Variants in STK10 observed in about 807,000 individuals in gnomAD.
STK10 encodes the protein serine/threonine kinase 10.
STK10 carries 78 observed loss-of-function variants against 113.8 expected under a neutral mutation model. That is an observed-to-expected ratio of 0.69 (90% CI 0.57 to 0.83). The LOEUF (loss-of-function observed/expected upper bound fraction) is 0.83. Among genes scored for constraint, STK10 ranks in the 40% least tolerant of loss-of-function variants. The probability of loss-of-function intolerance (pLI) is 0.00; values close to 1 mark genes in which losing one functional copy is unlikely to be tolerated. For missense variants in STK10, 1,109 were observed against 1,280.1 expected (o/e 0.87, Z 2.04); for synonymous variants, 465 against 494.7 (o/e 0.94, Z 0.80).
chr5:172,138,992 C>T (rs561007583), intron 2 of STK10, among the ~76,000 whole-genome samples: 80 of 151,912 alleles, frequency 5.3e-4, no homozygotes, highest in Non-Finnish European at 9.6e-4. Context: ...CCAGTCTGGG[C>T]GACAGAGCGA....
chr5:172,052,337 C>G lies in STK10; in HGVS notation c.2766+592G>C, dbSNP rs1019793606. Reference sequence around the variant, plus strand: ...ATAAGGAACTGGATTCTGTCGAAAGCTGAATGGGTTTGGAAGTGATTCTTC... The same window carrying G: ...ATAAGGAACTGGATTCTGTCGAAAGGTGAATGGGTTTGGAAGTGATTCTTC... On this transcript the variant is annotated intron_variant, in intron 18 of 18. Transcript: ENST00000176763. 4.3e-4 allele frequency among the ~76,000 whole-genome samples: 65 copies of G among 152,140 alleles called. 1 individual carries two copies. Among genetic ancestry groups the G allele is most frequent in the African/African-American group, 1.4e-3 (56 of 41,428 alleles).
chr5:172,073,613 T>C (rs72841764), intron 12 of STK10, among the ~76,000 whole-genome samples: 1 of 151,848 alleles, frequency 6.6e-6, no homozygotes, highest in African/African-American at 2.4e-5. Context: ...TGATTTTTTT[T>C]AAAAAGTATG....
chr5:172,105,556 G>A, intron 7 of STK10, 100 bp downstream of exon 7: 4 of 1,266,070 alleles, frequency 3.2e-6, no homozygotes, highest in Non-Finnish European at 4.6e-6. Flanking sequence ...TGTCCATGCT[G>A]TTCCCTGGGC....
Position 172,106,653 on chromosome 5 carries a change from G to A in STK10, c.755C>T (p.Ser252Leu). 1 of 1,613,332 alleles carries A rather than the reference G, an allele frequency of 6.2e-7. No individual in the cohort carries two copies. The highest frequency in any genetic ancestry group is 8.5e-7 in the Non-Finnish European group (1 of 1,179,992). Residue 252 changes from serine (S) to leucine (L), a missense_variant, in exon 6 of 19, where the codon TCG becomes TTG. Around this residue, in one of 5 missense-constraint regions of STK10, gnomAD observed 885 missense variants for 991.1 expected, o/e 0.89. Transcript: ENST00000176763. ...GGGCGTGAGCAGCGTGGGAGGGTCCGACTTGGCGATCTTTAGCAGGACCCG... is the reference window on the plus strand; with the variant it reads ...GGGCGTGAGCAGCGTGGGAGGGTCCAACTTGGCGATCTTTAGCAGGACCCG... ...PMRVLLKIAKSDPPTLLTPSK... is the reference protein window; with the variant it reads ...PMRVLLKIAKLDPPTLLTPSK...
chr5:172,184,459 T>C (rs562254995), intron 1 of STK10, among the ~76,000 whole-genome samples: 92 of 152,014 alleles, frequency 6.1e-4, no homozygotes, highest in African/African-American at 2.1e-3. Context: ...CCGGGACATA[T>C]GGGGTTGGCT....
chr5:172,144,616 G>T (rs989117616), intron 2 of STK10, among the ~76,000 whole-genome samples: 1 of 152,130 alleles, frequency 6.6e-6, no homozygotes, highest in Non-Finnish European at 1.5e-5. Flanking sequence ...TCCCAGGAAC[G>T]CTGGGCCAGG....
chr5:172,120,645 G>A lies in STK10; in HGVS notation c.371-3015C>T, dbSNP rs183490545. Among the ~76,000 whole-genome samples, 1 of 152,308 alleles carries A rather than the reference G, an allele frequency of 6.6e-6. No individual in the cohort carries two copies. The highest frequency in any genetic ancestry group is 1.9e-4 in the East Asian group (1 of 5,182). ...CATTTCCTGGTCTGTGAAATGGGAT[G>A]ATTATAATCGACATAGGCAGGGCTC... On this transcript the variant is annotated intron_variant, in intron 3 of 18. Transcript: ENST00000176763. The surrounding 1 kb of genome is among the most constrained non-coding windows in gnomAD (Gnocchi z 4.0).
chr5:172,092,476 C>G (rs1219928394), intron 9 of STK10: 1 of 152,028 alleles, frequency 6.6e-6, no homozygotes, highest in African/African-American at 2.4e-5. Context: ...GATGCCGGTC[C>G]TAAGGAAGAC....
intron 1 of STK10, among the ~76,000 whole-genome samples, chr5:172,160,291 T>A (rs1303706789): frequency 6.6e-6 from 1 of 152,046 alleles, no homozygotes; most frequent in Non-Finnish European, 1.5e-5. Context: ...CTGGCCAACA[T>A]GGTGAAACCC....
intron 4 of STK10, among the ~76,000 whole-genome samples, chr5:172,113,937 A>G (rs914413867): frequency 1.3e-5 from 2 of 152,170 alleles, no homozygotes; most frequent in African/African-American, 2.4e-5. Flanking sequence ...AGAAAAACTA[A>G]TATTTACTGA....
chr5:172,093,969 AT>A lies in STK10; in HGVS notation c.1006-10del. 1 of 1,182,100 alleles carries A rather than the reference AT, an allele frequency of 8.5e-7. No homozygotes were observed. The highest frequency in any genetic ancestry group is 1.1e-6 in the Non-Finnish European group (1 of 912,156). The allele number at this position is 1,182,100 out of a possible 1,614,324, so 73.2% of individuals were successfully genotyped here. Reference sequence around the variant, plus strand: ...GTATGGTTCTCCAGGGTCTAGAAAAATATATATATATATATTAAAGGCCATG... The same window carrying A: ...GTATGGTTCTCCAGGGTCTAGAAAAAATATATATATATATTAAAGGCCATG... On this transcript the variant is annotated splice_polypyrimidine_tract_variant and intron_variant, in intron 8 of 18. Transcript: ENST00000176763. The surrounding 1 kb of genome is among the most constrained non-coding windows in gnomAD (Gnocchi z 4.1).
chr5:172,063,194 G>A (rs965215536), intron 13 of STK10, among the ~76,000 whole-genome samples: 4 of 151,818 alleles, frequency 2.6e-5, no homozygotes, highest in Non-Finnish European at 5.9e-5. Context: ...AGGTTGCAGT[G>A]AGCTGAGATC....
At chr5:172,169,578 AATGGGTGTGC>A (rs2113831705) in intron 1 of STK10, among the ~76,000 whole-genome samples, 1 of 152,226 alleles carries the variant, frequency 6.6e-6, no homozygotes, top group African/African-American at 2.4e-5. Context: ...CAGGGGCATG[AATGGGTGTGC>A]ATGAGACTAG....
At chr5:172,077,750 G>T (rs1224151925) in intron 12 of STK10, among the ~76,000 whole-genome samples, 2 of 146,542 alleles carry the variant, frequency 1.4e-5, no homozygotes, top group Non-Finnish European at 3.0e-5. Context: ...AATCTTATTG[G>T]TTTTTTTTTT....
intron 2 of STK10, among the ~76,000 whole-genome samples, chr5:172,134,839 A>G (rs1769820351): frequency 6.6e-6 from 1 of 151,864 alleles, no homozygotes; most frequent in Non-Finnish European, 1.5e-5. Context: ...TGGAAGGATC[A>G]TTTGAGCTTG....
chr5:172,139,900 C>CAAAAAAAAAAAAAAAAAAAAAACAAA (rs34385866), intron 2 of STK10, among the ~76,000 whole-genome samples: 1 of 92,376 alleles, frequency 1.1e-5, no homozygotes. Context: ...AAAGCACAGC[C>CAAAAAAAAAAAAAAAAAAAAAACAAA]AAAAAAAAAA....
intron 10 of STK10, among the ~76,000 whole-genome samples, chr5:172,089,416 G>GGATGGATGGATGGATGGATGGATGGAAA (rs1768640127): frequency 7.1e-6 from 1 of 141,394 alleles, no homozygotes; most frequent in South Asian, 2.2e-4. Flanking sequence ...ATGGATGGAT[G>GGATGGATGGATGGATGGATGGATGGAAA]GATGGATGGA....
intron 12 of STK10, among the ~76,000 whole-genome samples, chr5:172,066,863 A>C (rs141873542): frequency 1.3e-5 from 2 of 152,384 alleles, no homozygotes; most frequent in East Asian, 3.9e-4. Flanking sequence ...CCCTGAGCTG[A>C]GTATGAGTGA....
rs746850981 is a variant in STK10 at position 172,090,322 on chromosome 5, T to C, written c.1595A>G (p.Lys532Arg). ...CACCTCCACACCATCCACCACAAAT[T>C]TGCGTGTCCGCTTGAGGGTTTTTTT... ...LYKKTLKRTR[K>R]FVVDGVEVSI... Residue 532 changes from lysine (K) to arginine (R), a missense_variant, in exon 10 of 19, where the codon AAA (lysine) becomes AGA (arginine). Lys to Arg is a conservative substitution (Grantham distance 26). Around this residue, in one of 5 missense-constraint regions of STK10, gnomAD observed 885 missense variants for 991.1 expected, o/e 0.89. Transcript: ENST00000176763. 3.5e-5 allele frequency: 56 copies of C among 1,614,008 alleles called. No homozygotes were observed. The highest frequency in any genetic ancestry group is 4.3e-5 in the Non-Finnish European group (51 of 1,179,966).
Sources: gnomAD v4.1 joint callset for allele counts (sites outside exome capture counted in the v4.1 genomes callset) on GRCh38, gnomAD v4.1.1 for gene constraint, gnomAD v4.1.1 regional missense constraint, Gnocchi (gnomAD v3.1) non-coding constraint, MANE v1.5 for transcripts, NCBI Gene and HGNC (gene_info 2026-07-23, HGNC 2026-07-21) for gene names.